The following RAPGEF1 variants were observed in gnomAD, a reference collection of about 807,000 sequenced individuals.
RAPGEF1 encodes CRK SH3-binding GNRP.
RAPGEF1 carries 33 observed loss-of-function variants against 143.3 expected under a neutral mutation model. The ratio of observed to expected loss-of-function variants is 0.23; its 90% confidence interval spans 0.17 to 0.31. The LOEUF (loss-of-function observed/expected upper bound fraction) is 0.31, where lower values mean the gene tolerates loss of function less well. Among genes scored for constraint, RAPGEF1 ranks in the 10% least tolerant of loss-of-function variants. The pLI is 1.00. For synonymous variants in RAPGEF1, 629 were observed against 676.5 expected (o/e 0.93, Z 1.09); for missense variants, 1,199 against 1,645.4 (o/e 0.73, Z 4.69).
chr9:131,580,932 G>A (rs1951769587), intron 25 of RAPGEF1, among the ~76,000 whole-genome samples: 1 of 152,048 alleles, frequency 6.6e-6, no homozygotes, highest in African/African-American at 2.4e-5. Flanking sequence ...ATCACCTGAG[G>A]TCAGGAGTTT....
In RAPGEF1 at chr9:131,583,551, T is replaced by TG. The variant is rs1952217202; in HGVS notation, c.3414+759dup. Among the ~76,000 whole-genome samples the TG allele has an allele frequency of 6.6e-6, 1 of 151,088 alleles. No individual in the cohort carries two copies. The highest frequency in any genetic ancestry group is 2.4e-5 in the African/African-American group (1 of 40,978). ...ACACTCAGGTCCCTGACACAATCCC[T>TG]GGGTGGCCTGGCTGAACTTGGGTCC... On this transcript the variant is annotated intron_variant, in intron 24 of 26. Transcript: ENST00000683357. This position sits in a 1 kb window ranked among gnomAD's most constrained non-coding sequence, Gnocchi z 4.7.
chr9:131,679,809 G>A (rs1832757695), intron 1 of RAPGEF1, among the ~76,000 whole-genome samples: 1 of 152,212 alleles, frequency 6.6e-6, no homozygotes, highest in Admixed American at 6.5e-5. Flanking sequence ...TTGGATATAG[G>A]CAGGAGGCCA....
chr9:131,584,308 C>G lies in RAPGEF1; in HGVS notation c.3414+3G>C, dbSNP rs939677544. ...CTCCCGCCCACGCCCCAAGGCCACT[C>G]ACCTCTGAAGTCTGCTTCTGCCACT... On this transcript the variant is annotated splice_donor_region_variant and intron_variant, in intron 24 of 26. Coordinates refer to ENST00000683357, the MANE Select transcript of RAPGEF1 (RefSeq NM_001377935.1). This position sits in a 1 kb window ranked among gnomAD's most constrained non-coding sequence, Gnocchi z 6.8. The G allele has an allele frequency of 2.3e-5, 37 of 1,608,662 alleles. No homozygotes were observed. Among genetic ancestry groups the G allele is most frequent in the Non-Finnish European group, 2.8e-5 (33 of 1,177,456 alleles).
intron 1 of RAPGEF1, among the ~76,000 whole-genome samples, chr9:131,724,380 G>T (rs892259983): frequency 4.6e-5 from 7 of 152,212 alleles, no homozygotes; most frequent in African/African-American, 1.7e-4. Flanking sequence ...TGGATCACGA[G>T]GCCAGGAGAT....
At chr9:131,596,941 A>C (rs1955406638) in intron 16 of RAPGEF1, among the ~76,000 whole-genome samples, 1 of 152,222 alleles carries the variant, frequency 6.6e-6, no homozygotes, top group Non-Finnish European at 1.5e-5. Flanking sequence ...AAAGCATTAC[A>C]GACAGAAATA....
rs1237396138 is a variant in RAPGEF1 at position 131,603,982 on chromosome 9, C to T, written c.2391G>A (p.Glu797=). The change falls in exon 14 of 27, where the codon GAG becomes GAA. Residue 797 remains glutamate, a synonymous_variant. Transcript: ENST00000683357. ...TTACTCCTCGAGAGGGAGCCAGCTC[C>T]TCGCTGCTCTGGCCAGAGGAATACA... The part of the protein sequence containing the change: ...VNLYSSGQSS[E]ELAPSRGEPP... 1 of 1,332,426 alleles carries T rather than the reference C, an allele frequency of 7.5e-7. No individual in the cohort carries two copies. Among genetic ancestry groups the T allele is most frequent in the South Asian group, 1.2e-5 (1 of 83,530 alleles). 82.5% of individuals were successfully genotyped at this position (1,332,426 alleles called of 1,614,324 possible).
intron 1 of RAPGEF1, among the ~76,000 whole-genome samples, chr9:131,718,927 C>T (rs1398554246): frequency 1.3e-5 from 2 of 152,154 alleles, no homozygotes; most frequent in African/African-American, 4.8e-5. Context: ...AGAGCACGTA[C>T]ACTTGATGCT....
intron 1 of RAPGEF1, among the ~76,000 whole-genome samples, chr9:131,735,302 G>A (rs1837344452): frequency 6.6e-6 from 1 of 152,176 alleles, no homozygotes; most frequent in Admixed American, 6.5e-5. Context: ...CCCACCCCAG[G>A]AGACTGGTCC....
chr9:131,668,048 G>A (rs1450861849), intron 1 of RAPGEF1, among the ~76,000 whole-genome samples: 2 of 152,196 alleles, frequency 1.3e-5, no homozygotes, highest in Non-Finnish European at 2.9e-5. Context: ...TAAAAATAGA[G>A]AAAAATTCTA....
At chr9:131,687,146 T>C (rs991054407) in intron 1 of RAPGEF1, among the ~76,000 whole-genome samples, 8 of 152,190 alleles carry the variant, frequency 5.3e-5, no homozygotes, top group African/African-American at 1.9e-4. Flanking sequence ...CAATCAGTAA[T>C]CTTTCTGAGT....
At chr9:131,632,313 G>A (rs369526839) in intron 5 of RAPGEF1, among the ~76,000 whole-genome samples, 1 of 76,992 alleles carries the variant, frequency 1.3e-5, no homozygotes, top group Non-Finnish European at 2.6e-5. Flanking sequence ...TTTTTTTTTT[G>A]TATTTTTAGT....
intron 1 of RAPGEF1, among the ~76,000 whole-genome samples, chr9:131,739,039 A>G (rs1169111150): frequency 6.6e-6 from 1 of 152,164 alleles, no homozygotes; most frequent in Non-Finnish European, 1.5e-5. Context: ...GCTGCAGGCT[A>G]ATAAAGCCTG....
intron 1 of RAPGEF1, among the ~76,000 whole-genome samples, chr9:131,654,339 A>C (rs1971894871): frequency 6.6e-6 from 1 of 152,234 alleles, no homozygotes; most frequent in Admixed American, 6.5e-5. Flanking sequence ...GTCTTCCTTC[A>C]TCTCAGCATT....
At chr9:131,653,813 G>C (rs557500212) in intron 1 of RAPGEF1, among the ~76,000 whole-genome samples, 1 of 152,298 alleles carries the variant, frequency 6.6e-6, no homozygotes, top group South Asian at 2.1e-4. Context: ...CATGAGACTT[G>C]TACAGGTAAG....
intron 17 of RAPGEF1, 49 bp from the exon 18 acceptor site, chr9:131,592,232 G>A (rs1340842823): frequency 6.9e-7 from 1 of 1,459,288 alleles, no homozygotes; most frequent in Non-Finnish European, 9.6e-7. Flanking sequence ...CAGAGTGCTG[G>A]GGGGTGGTAG....
At chr9:131,674,751 C>T (rs959650788) in intron 1 of RAPGEF1, among the ~76,000 whole-genome samples, 3 of 152,186 alleles carry the variant, frequency 2.0e-5, no homozygotes, top group African/African-American at 2.4e-5. Context: ...GAAGGAAAGT[C>T]CAATCTGAGC....
At chr9:131,626,452 C>G (rs551145509) in intron 9 of RAPGEF1, 30 bp from the exon 10 acceptor site, 11 of 1,530,492 alleles carry the variant, frequency 7.2e-6, no homozygotes, top group Non-Finnish European at 9.7e-6. Flanking sequence ...AAAAGAGACC[C>G]GTTAGCCACA....
intron 1 of RAPGEF1, among the ~76,000 whole-genome samples, chr9:131,728,020 C>A (rs1836788665): frequency 6.6e-6 from 1 of 152,174 alleles, no homozygotes; most frequent in Non-Finnish European, 1.5e-5. Context: ...GGGCTTTGGT[C>A]TCTCTGCAAA....
chr9:131,585,617 C>T (rs1014079903), intron 22 of RAPGEF1, among the ~76,000 whole-genome samples: 3 of 152,238 alleles, frequency 2.0e-5, no homozygotes, highest in Non-Finnish European at 4.4e-5. Context: ...GGGCAAAACC[C>T]TACGCTGGAC....
Sources: allele counts gnomAD v4.1 joint callset (sites outside exome capture counted in the v4.1 genomes callset), GRCh38; gene constraint gnomAD v4.1.1; non-coding constraint Gnocchi (gnomAD v3.1); transcripts MANE v1.5; gene names NCBI Gene and HGNC (gene_info 2026-07-23, HGNC 2026-07-21).